Variants in ALG8 observed in about 807,000 individuals in gnomAD.
ALG8 encodes dolichyl pyrophosphate Glc1Man9GlcNAc2 alpha-1,3-glucosyltransferase.
A neutral mutation model predicts 70.2 loss-of-function variants in ALG8; 48 were observed. The observed-to-expected ratio is 0.68, with a 90% CI of 0.54 to 0.87. The LOEUF is 0.87. Among genes scored for constraint, ALG8 ranks in the 40% least tolerant of loss-of-function variants. The probability of loss-of-function intolerance (pLI) is 0.00; values close to 1 mark genes in which losing one functional copy is unlikely to be tolerated. For synonymous variants in ALG8, 234 were observed against 229.0 expected (o/e 1.02, Z -0.20); for missense variants, 572 against 608.7 (o/e 0.94, Z 0.64).
In ALG8 at chr11:78,104,628, A is replaced by G. The variant is rs1315862776; in HGVS notation, c.1179-175T>C. On this transcript the variant is annotated intron_variant, in intron 10 of 12. Transcript: ENST00000299626. The stretch of plus-strand genomic sequence containing the variant: ...ATTTTTTAGTAGGAAATTTTAAGCA[A>G]TCAATAGCATGTATCAAACTGAATC... 8 of 599,892 alleles carry G rather than the reference A, an allele frequency of 1.3e-5. No homozygotes were observed. In the Admixed American group the frequency reaches 2.2e-4, roughly 17 times the overall value. 37.2% of individuals were successfully genotyped at this position (599,892 alleles called of 1,614,324 possible).
intron 1 of ALG8, among the ~76,000 whole-genome samples, chr11:78,129,491 C>T (rs1861214341): frequency 6.6e-6 from 1 of 151,838 alleles, no homozygotes; most frequent in Non-Finnish European, 1.5e-5. Flanking sequence ...TGTCCACAAA[C>T]AGCAGAATAG....
In ALG8 at chr11:78,139,526, C is replaced by A. The variant is rs1330408599; in HGVS notation, c.63G>T (p.Val21=). The part of the protein sequence containing the change: ...GNWFSALALG[V]TLLKCLLIPT... ...GGATGAGAAGGCATTTGAGAAGAGT[C>A]ACCCCGAGCGCCAAAGCCGAAAACC... Residue 21 remains valine, a synonymous_variant, in exon 1 of 13, where the codon GTG becomes GTT. Coordinates refer to ENST00000299626, the MANE Select transcript of ALG8 (RefSeq NM_024079.5). 42 of 1,563,254 alleles carry A rather than the reference C, an allele frequency of 2.7e-5. No homozygotes were observed. Among genetic ancestry groups the A allele is most frequent in the Non-Finnish European group, 3.6e-5 (41 of 1,153,346 alleles).
chr11:78,134,667 A>C (rs187662492), intron 1 of ALG8, among the ~76,000 whole-genome samples: 3 of 152,350 alleles, frequency 2.0e-5, no homozygotes, highest in African/African-American at 7.2e-5. Context: ...TATTCACAGC[A>C]TCTTCATTAG....
intron 5 of ALG8, among the ~76,000 whole-genome samples, chr11:78,115,758 C>T (rs1271233390): frequency 6.6e-6 from 1 of 152,174 alleles, no homozygotes; most frequent in Non-Finnish European, 1.5e-5. Flanking sequence ...CATACTAAGC[C>T]TTATGCTGAG....
chr11:78,106,609 G>T (rs1162236525), intron 10 of ALG8, among the ~76,000 whole-genome samples, 198 bp downstream of exon 10: 2 of 152,164 alleles, frequency 1.3e-5, no homozygotes, highest in Admixed American at 6.5e-5. Flanking sequence ...AACAGAAATA[G>T]TACATGCATT....
At chr11:78,109,294 TTGCTAGGAAA>T in intron 9 of ALG8, 138 bp downstream of exon 9, 1 of 1,067,744 alleles carries the variant, frequency 9.4e-7, no homozygotes, top group Non-Finnish European at 1.4e-6. Context: ...ACTCTAAGAA[TTGCTAGGAAA>T]TGCTTCAATC....
chr11:78,135,936 A>C (rs1488961761), intron 1 of ALG8, among the ~76,000 whole-genome samples: 3 of 152,058 alleles, frequency 2.0e-5, no homozygotes, highest in Non-Finnish European at 4.4e-5. Context: ...TGGGAGGCCA[A>C]GACAGGTGGA....
intron 12 of ALG8, 63 bp downstream of exon 12, chr11:78,103,917 T>C (rs1230116377): frequency 3.3e-6 from 3 of 915,248 alleles, no homozygotes; most frequent in Non-Finnish European, 5.1e-6. Flanking sequence ...AAGAGCTTAT[T>C]TGACCACTTA....
At chr11:78,109,055 C>T (rs1273487446) in intron 9 of ALG8, among the ~76,000 whole-genome samples, 1 of 152,160 alleles carries the variant, frequency 6.6e-6, no homozygotes, top group Non-Finnish European at 1.5e-5. Context: ...TCCACGCTGT[C>T]CAGATACATT....
chr11:78,132,209 G>C (rs546285364), intron 1 of ALG8, among the ~76,000 whole-genome samples: 13 of 152,316 alleles, frequency 8.5e-5, no homozygotes, highest in African/African-American at 2.4e-4. Context: ...TGACTCCCTA[G>C]CTACGGCTCT....
At chr11:78,115,747 A>C (rs1860533645) in intron 5 of ALG8, among the ~76,000 whole-genome samples, 1 of 152,210 alleles carries the variant, frequency 6.6e-6, no homozygotes, top group African/African-American at 2.4e-5. Context: ...AAGATTTATC[A>C]CATACTAAGC....
At chr11:78,125,096 G>A (rs1565358403) in intron 2 of ALG8, among the ~76,000 whole-genome samples, 2 of 151,158 alleles carry the variant, frequency 1.3e-5, no homozygotes, top group South Asian at 4.2e-4. Context: ...GCAGTGGCGC[G>A]ATCTTGGCTC....
intron 6 of ALG8, 138 bp downstream of exon 6, chr11:78,114,128 A>T: frequency 7.1e-7 from 1 of 1,411,736 alleles, no homozygotes. Context: ...GAGAAAAGCG[A>T]GAATGGGTAA....
chr11:78,106,860 C>T lies in ALG8; in HGVS notation c.1125G>A (p.Met375Ile). ...CTTTTTCATGAACATGCCACCCAAA[C>T]ATAAAGGAGCTCAAGGCACAAAGAG... ...CLTLCALSSF[M>I]FGWHVHEKAI... The change falls in exon 10 of 13, where the codon ATG (methionine) becomes ATA (isoleucine). Residue 375 changes from methionine to isoleucine, a missense_variant. Met to Ile is a conservative substitution (Grantham distance 10, BLOSUM62 1). Transcript: ENST00000299626. 1 of 1,614,112 alleles carries T rather than the reference C, an allele frequency of 6.2e-7. No homozygotes were observed. Among genetic ancestry groups the T allele is most frequent in the Non-Finnish European group, 8.5e-7 (1 of 1,180,006 alleles).
intron 5 of ALG8, chr11:78,114,653 T>C (rs1030180957): frequency 3.6e-5 from 18 of 495,302 alleles, no homozygotes; most frequent in South Asian, 8.0e-5. Flanking sequence ...AAAATTATCC[T>C]ACAAAAAGGT....
At chr11:78,112,850 T>A (rs1011401404) in intron 7 of ALG8, 80 bp from the exon 8 acceptor site, 15 of 1,533,570 alleles carry the variant, frequency 9.8e-6, no homozygotes, top group African/African-American at 1.4e-5. Context: ...GAACTCTCTA[T>A]GGTATAGTGT....
chr11:78,112,454 T>A (rs1276391499), intron 8 of ALG8, 196 bp downstream of exon 8: 4 of 649,602 alleles, frequency 6.2e-6, no homozygotes, highest in Non-Finnish European at 7.6e-6. Flanking sequence ...GGAGCTTTTA[T>A]AAGGAAAACA....
At chr11:78,128,935 A>G (rs1303165291) in intron 1 of ALG8, among the ~76,000 whole-genome samples, 2 of 151,902 alleles carry the variant, frequency 1.3e-5, no homozygotes, top group African/African-American at 4.8e-5. Context: ...TTCAATATGC[A>G]ACATTGGCTT....
intron 1 of ALG8, among the ~76,000 whole-genome samples, chr11:78,138,138 G>A (rs1354589013): frequency 3.9e-5 from 6 of 152,090 alleles, no homozygotes; most frequent in Admixed American, 3.3e-4. Flanking sequence ...TTGAGGTCAG[G>A]AGATTTGAGA....
Sources: gnomAD v4.1 joint callset for allele counts (sites outside exome capture counted in the v4.1 genomes callset) on GRCh38, gnomAD v4.1.1 for gene constraint, MANE v1.5 for transcripts, NCBI Gene and HGNC (gene_info 2026-07-23, HGNC 2026-07-21) for gene names.